The following ENC1 variants were observed in gnomAD, a reference collection of about 807,000 sequenced individuals.
The protein encoded by ENC1 is ectoderm-neural cortex protein 1.
Under a neutral mutation model 40.9 loss-of-function variants are expected in ENC1, and 19 were observed. The observed-to-expected ratio is 0.46, with a 90% CI of 0.32 to 0.68. The LOEUF is 0.68. Ranked by LOEUF, ENC1 falls within the 30% of genes least tolerant of loss-of-function variation. The pLI is 0.03. For missense variants in ENC1, 479 were observed against 737.5 expected (o/e 0.65, Z 4.06); for synonymous variants, 285 against 291.1 (o/e 0.98, Z 0.21).
Position 74,634,943 on chromosome 5 carries a change from T to A in ENC1, c.1543A>T (p.Thr515Ser), listed in dbSNP as rs1747521686. ...ACSAYKFNSE[T>S]YQWTKVGDVT... ...TCTCCCACCTTGGTCCACTGGTAAGTCTCACTGTTGAATTTATAAGCAGAG... is the reference window on the plus strand; with the variant it reads ...TCTCCCACCTTGGTCCACTGGTAAGACTCACTGTTGAATTTATAAGCAGAG... Residue 515 changes from threonine to serine, a missense_variant, in exon 2 of 3, where the codon ACT becomes TCT. Thr to Ser is a moderately conservative substitution (Grantham distance 58). Coordinates refer to ENST00000302351, the MANE Select transcript of ENC1 (RefSeq NM_003633.4). The A allele has an allele frequency of 6.2e-7, 1 of 1,614,098 alleles. No individual in the cohort carries two copies. The highest frequency in any genetic ancestry group is 8.5e-7 in the Non-Finnish European group (1 of 1,179,994).
chr5:74,636,577 G>T lies in ENC1; in HGVS notation c.-13-79C>A. 3.6e-6 allele frequency: 3 copies of T among 832,824 alleles called. No homozygotes were observed. The highest frequency in any genetic ancestry group is 5.6e-6 in the Non-Finnish European group (3 of 539,206). 51.6% of individuals were successfully genotyped at this position (832,824 alleles called of 1,614,324 possible). A position where few individuals can be genotyped will look rare whatever the true frequency, so the allele number is the denominator to read the frequency against. On this transcript the variant is annotated intron_variant, in intron 1 of 2. Transcript: ENST00000302351. This position sits in a 1 kb window ranked among gnomAD's most constrained non-coding sequence, Gnocchi z 4.8. ...GCAGAACGAAAGCAACAATGGTTTT[G>T]CACAAAAAACAGAACACTTTGTTGT...
In ENC1 at chr5:74,636,804, G is replaced by T; in HGVS notation, c.-13-306C>A. On this transcript the variant is annotated intron_variant, in intron 1 of 2. Coordinates refer to ENST00000302351, the MANE Select transcript of ENC1 (RefSeq NM_003633.4). This position sits in a 1 kb window ranked among gnomAD's most constrained non-coding sequence, Gnocchi z 4.8. ...GATTGCCAACTTTCAGGCCATCGAAGTCTTTTAGAATATAAGTCAGCAAAA... is the reference window on the plus strand; with the variant it reads ...GATTGCCAACTTTCAGGCCATCGAATTCTTTTAGAATATAAGTCAGCAAAA... Among the ~76,000 whole-genome samples the T allele has an allele frequency of 6.6e-6, 1 of 151,992 alleles. No homozygotes were observed. Among genetic ancestry groups the T allele is most frequent in the African/African-American group, 2.4e-5 (1 of 41,466 alleles).
In ENC1 at chr5:74,627,936, A is replaced by G. The variant is rs1490958184; in HGVS notation, c.*2089T>C. 6.6e-6 allele frequency: 1 copy of G among 152,642 alleles called. No individual in the cohort carries two copies. The highest frequency in any genetic ancestry group is 1.5e-5 in the Non-Finnish European group (1 of 68,052). The allele number at this position is 152,642 out of a possible 1,614,324, so 9.5% of individuals were successfully genotyped here. A position where few individuals can be genotyped will look rare whatever the true frequency, so the allele number is the denominator to read the frequency against. On this transcript the variant is annotated 3_prime_UTR_variant, in exon 3 of 3. Transcript: ENST00000302351. ...CCCTCTGGCTCACACACAGTAATTA[A>G]TAGAGGATTCAAGAACAGACCCCAA...
chr5:74,639,616 T>G (rs930641250), intron 1 of ENC1, among the ~76,000 whole-genome samples: 2 of 152,248 alleles, frequency 1.3e-5, no homozygotes, highest in Non-Finnish European at 2.9e-5. Flanking sequence ...TATAAAGATC[T>G]TGTTAACAAA....
Position 74,635,511 on chromosome 5 carries a change from G to A in ENC1, c.975C>T (p.Asp325=), listed in dbSNP as rs745811663. The change falls in exon 2 of 3, where the codon GAC becomes GAT. Residue 325 remains aspartate, a synonymous_variant. Coordinates refer to ENST00000302351, the MANE Select transcript of ENC1 (RefSeq NM_003633.4). The surrounding 1 kb of genome is among the most constrained non-coding windows in gnomAD (Gnocchi z 5.5). The part of the protein sequence containing the change: ...QKAKEIIPKA[D]IPSPRKEFSA... ...TAAACTCTTTTCTTGGGCTGGGAAT[G>A]TCAGCCTTGGGAATGATTTCTTTGG... 2 of 1,614,206 alleles carry A rather than the reference G, an allele frequency of 1.2e-6. No individual in the cohort carries two copies. Among genetic ancestry groups the A allele is most frequent in the Non-Finnish European group, 1.7e-6 (2 of 1,180,032 alleles).
At chr5:74,633,894 C>A (rs918646698) in intron 2 of ENC1, among the ~76,000 whole-genome samples, 6 of 152,242 alleles carry the variant, frequency 3.9e-5, no homozygotes, top group African/African-American at 9.6e-5. Flanking sequence ...TAATTCCCCA[C>A]GGGGTTGTTG....
rs759810274 is a variant in ENC1 at position 74,635,090 on chromosome 5, C to T, written c.1396G>A (p.Asp466Asn). Residue 466 changes from aspartate (D) to asparagine (N), a missense_variant, in exon 2 of 3, where the codon GAT becomes AAT. Physicochemically the swap from Asp to Asn is conservative, Grantham distance 23 (BLOSUM62 1). Coordinates refer to ENST00000302351, the MANE Select transcript of ENC1 (RefSeq NM_003633.4). This position sits in a 1 kb window ranked among gnomAD's most constrained non-coding sequence, Gnocchi z 5.5. Reference sequence around the variant, plus strand: ...ACAGTCCACCTGTTTTCACACTGATCGTAACACTGAACTTTGGGGAGCTTG... The same window carrying T: ...ACAGTCCACCTGTTTTCACACTGATTGTAACACTGAACTTTGGGGAGCTTG... ...HDKLPKVQCYDQCENRWTVPA... is the reference protein window; with the variant it reads ...HDKLPKVQCYNQCENRWTVPA... 5.0e-6 allele frequency: 8 copies of T among 1,614,076 alleles called. No individual in the cohort carries two copies. The highest frequency in any genetic ancestry group is 4.5e-5 in the East Asian group (2 of 44,898).
intron 2 of ENC1, among the ~76,000 whole-genome samples, chr5:74,632,672 G>A (rs1260759967): frequency 6.6e-6 from 1 of 152,168 alleles, no homozygotes; most frequent in Non-Finnish European, 1.5e-5. Flanking sequence ...TTACCAACAT[G>A]GTGAAACCCC....
At position 74,640,624 on chromosome 5, in the gene ENC1, G is replaced by A. The variant is rs897513869; in HGVS notation, c.-331C>T. 4 of 152,336 alleles carry A rather than the reference G, an allele frequency of 2.6e-5. No homozygotes were observed. The highest frequency in any genetic ancestry group is 9.7e-5 in the African/African-American group (4 of 41,442). 9.4% of individuals were successfully genotyped at this position (152,336 alleles called of 1,614,324 possible). On this transcript the variant is annotated 5_prime_UTR_variant, in exon 1 of 3. Coordinates refer to ENST00000302351, the MANE Select transcript of ENC1 (RefSeq NM_003633.4). ...GAGGCGGGCTGTGCGCTCGGGGGAGGGAGCTAGAAAGCGCCTTGTGTGCCG... is the reference window on the plus strand; with the variant it reads ...GAGGCGGGCTGTGCGCTCGGGGGAGAGAGCTAGAAAGCGCCTTGTGTGCCG...
At position 74,629,694 on chromosome 5, in the gene ENC1, A is replaced by C. The variant is rs1747325676; in HGVS notation, c.*331T>G. On this transcript the variant is annotated 3_prime_UTR_variant, in exon 3 of 3. Coordinates refer to ENST00000302351, the MANE Select transcript of ENC1 (RefSeq NM_003633.4). ...AATCAAATGCTGAATATGGTACAGC[A>C]AGGGAAAAGGTCCAGCTTTTCTCTC... 2.0e-5 allele frequency: 3 copies of C among 152,246 alleles called. No homozygotes were observed. Among genetic ancestry groups the C allele is most frequent in the Non-Finnish European group, 4.4e-5 (3 of 68,052 alleles). The allele number at this position is 152,246 out of a possible 1,614,324, so 9.4% of individuals were successfully genotyped here.
chr5:74,635,487 A>G lies in ENC1; in HGVS notation c.999T>C (p.Phe333=), dbSNP rs1747550949. Residue 333 remains phenylalanine (F), a synonymous_variant, in exon 2 of 3, where the codon TTT becomes TTC. Coordinates refer to ENST00000302351, the MANE Select transcript of ENC1 (RefSeq NM_003633.4). The surrounding 1 kb of genome is among the most constrained non-coding windows in gnomAD (Gnocchi z 5.5). ...KADIPSPRKE[F]SACAIGCKVY... ...CTTTGCAGCCAATCGCACATGCACT[A>G]AACTCTTTTCTTGGGCTGGGAATGT... 2 of 1,614,094 alleles carry G rather than the reference A, an allele frequency of 1.2e-6. No individual in the cohort carries two copies. The highest frequency in any genetic ancestry group is 8.5e-7 in the Non-Finnish European group (1 of 1,180,022).
At position 74,634,914 on chromosome 5, in the gene ENC1, C is replaced by A. The variant is rs1331272882; in HGVS notation, c.1572G>T (p.Val524=). Residue 524 remains valine, a synonymous_variant, in exon 2 of 3, where the codon GTG becomes GTT. Transcript: ENST00000302351. The stretch of plus-strand genomic sequence containing the variant: ...CATGGCAGCTCATGCGCTTTGCTGT[C>A]ACATCTCCCACCTTGGTCCACTGGT... ...ETYQWTKVGD[V]TAKRMSCHAV... 2 of 1,614,044 alleles carry A rather than the reference C, an allele frequency of 1.2e-6. No homozygotes were observed. Among genetic ancestry groups the A allele is most frequent in the African/African-American group, 2.7e-5 (2 of 74,940 alleles).
rs1448023603 is a variant in ENC1 at position 74,640,449 on chromosome 5, C to CCGAACGATGGCTCGCGGACCGG, written c.-178_-157dup. ...GGCCAGCCGGGGAGAGGACTGCGCC[C>CCGAACGATGGCTCGCGGACCGG]CGAACGATGGCTCGCGGACCGGCTA... On this transcript the variant is annotated 5_prime_UTR_variant, in exon 1 of 3. Transcript: ENST00000302351. The CCGAACGATGGCTCGCGGACCGG allele has an allele frequency of 2.0e-5, 3 of 152,296 alleles. No individual in the cohort carries two copies. The highest frequency in any genetic ancestry group is 2.9e-5 in the Non-Finnish European group (2 of 68,086). 9.4% of individuals were successfully genotyped at this position (152,296 alleles called of 1,614,324 possible).
At position 74,635,129 on chromosome 5, in the gene ENC1, T is replaced by C; in HGVS notation, c.1357A>G (p.Ser453Gly). The stretch of plus-strand genomic sequence containing the variant: ...TTGGGGAGCTTGTCATGACTGACAC[T>C]GGTACCTCCGAAAGCAAATAACTTA... ...KLKLFAFGGT[S>G]VSHDKLPKVQ... is the part of the protein sequence containing the mutation. The change falls in exon 2 of 3, where the codon AGT becomes GGT. Residue 453 changes from serine to glycine, a missense_variant. Transcript: ENST00000302351. This position sits in a 1 kb window ranked among gnomAD's most constrained non-coding sequence, Gnocchi z 5.5. 6.2e-7 allele frequency: 1 copy of C among 1,614,238 alleles called. No individual in the cohort carries two copies. The highest frequency in any genetic ancestry group is 1.1e-5 in the South Asian group (1 of 91,086).
chr5:74,634,208 T>A (rs1747491194), intron 2 of ENC1, among the ~76,000 whole-genome samples: 1 of 151,858 alleles, frequency 6.6e-6, no homozygotes. Flanking sequence ...GGTCAGGAGA[T>A]CAAGACCATC....
Position 74,628,164 on chromosome 5 carries a change from A to T in ENC1, c.*1861T>A, listed in dbSNP as rs536709495. The T allele has an allele frequency of 6.5e-6, 1 of 152,776 alleles. No individual in the cohort carries two copies. The highest frequency in any genetic ancestry group is 2.4e-5 in the African/African-American group (1 of 41,572). The allele number at this position is 152,776 out of a possible 1,614,324, so 9.5% of individuals were successfully genotyped here. On this transcript the variant is annotated 3_prime_UTR_variant, in exon 3 of 3. Transcript: ENST00000302351. The stretch of plus-strand genomic sequence containing the variant: ...AACCAGGGACTGACTGCTGGAAAGT[A>T]CTGTGATTCTTTTCTTCCAACAGCT...
chr5:74,639,289 G>T (rs920599893), intron 1 of ENC1, among the ~76,000 whole-genome samples: 3 of 152,226 alleles, frequency 2.0e-5, no homozygotes, highest in African/African-American at 7.2e-5. Flanking sequence ...AACATAAAAT[G>T]AATCATCTTT....
chr5:74,638,778 G>A (rs1361768510), intron 1 of ENC1, among the ~76,000 whole-genome samples: 3 of 152,214 alleles, frequency 2.0e-5, no homozygotes, highest in African/African-American at 7.2e-5. Flanking sequence ...ACTTACTCTT[G>A]TGAATCTGCC....
Position 74,630,971 on chromosome 5 carries a change from G to A in ENC1, c.*33-979C>T, listed in dbSNP as rs564850059. 4.6e-5 allele frequency among the ~76,000 whole-genome samples: 7 copies of A among 152,242 alleles called. No individual in the cohort carries two copies. The South Asian group carries it at 1.5e-3, about 32-fold the overall frequency. ...TGGCTGTTTCCTAACAGTGATTCAA[G>A]CTTTCAAGGCATGCCTTAGACTACG... On this transcript the variant is annotated intron_variant, in intron 2 of 2. Transcript: ENST00000302351.
Sources: gnomAD v4.1 joint callset for allele counts (sites outside exome capture counted in the v4.1 genomes callset) on GRCh38, gnomAD v4.1.1 for gene constraint, Gnocchi (gnomAD v3.1) non-coding constraint, MANE v1.5 for transcripts, NCBI Gene and HGNC (gene_info 2026-07-23, HGNC 2026-07-21) for gene names.